Variants in PLAG1 observed in about 807,000 individuals in gnomAD.
PLAG1 encodes the protein PLAG1 zinc finger.
A neutral mutation model predicts 35.5 loss-of-function variants in PLAG1; 7 were observed. The observed-to-expected ratio is 0.20, with a 90% CI of 0.11 to 0.37. The LOEUF is 0.37. Among genes scored for constraint, PLAG1 ranks in the 10% least tolerant of loss-of-function variants. PLAG1 has a pLI of 1.00. For synonymous variants in PLAG1, 229 were observed against 225.4 expected, an observed-to-expected ratio of 1.02 and a Z score of -0.14; for missense variants, 454 against 602.8, an observed-to-expected ratio of 0.75 and a Z score of 2.58.
chr8:56,201,618 C>G (rs1812555212), intron 1 of PLAG1, among the ~76,000 whole-genome samples: 1 of 152,170 alleles, frequency 6.6e-6, no homozygotes, highest in African/African-American at 2.4e-5. Flanking sequence ...TAGGTTTATA[C>G]TACCCAAATA....
At chr8:56,195,694 C>T (rs1812340371) in intron 1 of PLAG1, among the ~76,000 whole-genome samples, 1 of 152,178 alleles carries the variant, frequency 6.6e-6, no homozygotes, top group African/African-American at 2.4e-5. Flanking sequence ...GTTCCCTTGC[C>T]TGAGGCCACC....
At chr8:56,210,373 G>C (rs1216346268) in intron 1 of PLAG1, among the ~76,000 whole-genome samples, 1 of 151,606 alleles carries the variant, frequency 6.6e-6, no homozygotes, top group Non-Finnish European at 1.5e-5. Flanking sequence ...GCTCTGTGCC[G>C]ATCTCCTGCT....
chr8:56,166,344 T>C lies in PLAG1; in HGVS notation c.1402A>G (p.Asn468Asp). 1.9e-6 allele frequency: 3 copies of C among 1,613,772 alleles called. No individual in the cohort carries two copies. The highest frequency in any genetic ancestry group is 2.5e-6 in the Non-Finnish European group (3 of 1,179,746). The change falls in exon 5 of 5, where the codon AAC (asparagine) becomes GAC (aspartate). Residue 468 changes from asparagine to aspartate, a missense_variant. Physicochemically the swap from Asn to Asp is conservative, Grantham distance 23. Transcript: ENST00000316981. ...PQTQDLQDPA[N>D]TIGLGSLHSL... ...TGCAGAGACCCAAGCCCTATAGTGT[T>C]TGCAGGATCCTGAAGATCCTGTGTT...
At chr8:56,200,267 G>C (rs183535463) in intron 1 of PLAG1, among the ~76,000 whole-genome samples, 1 of 152,186 alleles carries the variant, frequency 6.6e-6, no homozygotes, top group Non-Finnish European at 1.5e-5. Flanking sequence ...TATAACACAA[G>C]TATTAAACCC....
intron 1 of PLAG1, among the ~76,000 whole-genome samples, chr8:56,190,838 GT>G (rs1324891503): frequency 6.6e-6 from 1 of 152,160 alleles, no homozygotes; most frequent in African/African-American, 2.4e-5. Flanking sequence ...GGAGGACACA[GT>G]AATTAATTTT....
At chr8:56,171,764 T>C (rs963951660) in intron 2 of PLAG1, among the ~76,000 whole-genome samples, 1 of 152,194 alleles carries the variant, frequency 6.6e-6, no homozygotes, top group African/African-American at 2.4e-5. Flanking sequence ...CTGCACTCTT[T>C]AGATTTCAAA....
chr8:56,208,758 A>C (rs1416701882), intron 1 of PLAG1, among the ~76,000 whole-genome samples: 4 of 152,222 alleles, frequency 2.6e-5, no homozygotes, highest in African/African-American at 7.2e-5. Flanking sequence ...ACACATTTTA[A>C]ATTTTGAAAA....
rs189081638 is a variant in PLAG1, at chr8:56,195,703, C to A, written c.-322+15418G>T. Among the ~76,000 whole-genome samples, 88 of 152,282 alleles carry A rather than the reference C, an allele frequency of 5.8e-4. 1 individual carries two copies. Among genetic ancestry groups the A allele is most frequent in the African/African-American group, 2.0e-3 (84 of 41,554 alleles). On this transcript the variant is annotated intron_variant, in intron 1 of 4. Transcript: ENST00000316981. The stretch of plus-strand genomic sequence containing the variant: ...GAGCAGGTTCCCTTGCCTGAGGCCA[C>A]CTCAGCCCAAATCTAAGGAGACAGG...
At position 56,164,613 on chromosome 8, in the gene PLAG1, C is replaced by T. The variant is rs1811301559; in HGVS notation, c.*1630G>A. ...TTCTAAAAACCTCCCACCCTTGCCC[C>T]CATCCCCAACGGAAAGGGTCCTAAA... On this transcript the variant is annotated 3_prime_UTR_variant, in exon 5 of 5. Coordinates refer to ENST00000316981, the MANE Select transcript of PLAG1 (RefSeq NM_002655.3). 4.5e-6 allele frequency: 1 copy of T among 222,522 alleles called. No individual in the cohort carries two copies. The highest frequency in any genetic ancestry group is 1.8e-4 in the South Asian group (1 of 5,418). 13.8% of individuals were successfully genotyped at this position (222,522 alleles called of 1,614,324 possible). A position where few individuals can be genotyped will look rare whatever the true frequency, so the allele number is the denominator to read the frequency against.
At position 56,163,210 on chromosome 8, in the gene PLAG1, CT is replaced by C. The variant is rs34779318; in HGVS notation, c.*3032del. ...AACTACTTTTATTTAATGTTAATCCCTTTTTTTTTTTTTTTTTTTTTTTTTT... is the reference window on the plus strand; with the variant it reads ...AACTACTTTTATTTAATGTTAATCCCTTTTTTTTTTTTTTTTTTTTTTTTT... On this transcript the variant is annotated 3_prime_UTR_variant, in exon 5 of 5. Transcript: ENST00000316981. 0.01 allele frequency: 995 copies of C among 97,180 alleles called. 12 individuals carry two copies. Among genetic ancestry groups the C allele is most frequent in the East Asian group, 0.03 (133 of 4,486 alleles). 6.0% of individuals were successfully genotyped at this position (97,180 alleles called of 1,614,324 possible). A position where few individuals can be genotyped will look rare whatever the true frequency, so the allele number is the denominator to read the frequency against.
intron 1 of PLAG1, among the ~76,000 whole-genome samples, chr8:56,200,652 A>C (rs73596222): frequency 0.063 from 9,534 of 152,134 alleles, 973 homozygotes; most frequent in African/African-American, 0.22. Flanking sequence ...CCTGAACTGT[A>C]CCCTTGCAAA....
At chr8:56,196,799 C>T (rs62515430) in intron 1 of PLAG1, among the ~76,000 whole-genome samples, 25,184 of 151,834 alleles carry the variant, frequency 0.17, 2,526 homozygotes, top group East Asian at 0.31. Context: ...GTGTGTGTGT[C>T]CTCCTCTATG....
chr8:56,180,786 C>T (rs751415740), intron 1 of PLAG1, among the ~76,000 whole-genome samples: 6 of 151,994 alleles, frequency 3.9e-5, no homozygotes, highest in East Asian at 1.9e-4. Context: ...ACCTATAGAA[C>T]GGCAGAAAAT....
chr8:56,196,930 A>G (rs1375312125), intron 1 of PLAG1, among the ~76,000 whole-genome samples: 1 of 137,474 alleles, frequency 7.3e-6, no homozygotes, highest in Non-Finnish European at 1.6e-5. Flanking sequence ...GGGTGCAGGC[A>G]CCCTCTCCCT....
In PLAG1 at chr8:56,168,203, G is replaced by A. The variant is rs144724863; in HGVS notation, c.67C>T (p.Arg23Cys). ...RDTQKVPSGKRKRGETKPRKN... is the reference protein window; with the variant it reads ...RDTQKVPSGKCKRGETKPRKN... ...CTTGGTTTGGTTTCACCACGCTTACGTTTCCCTGAAGGGACTTTCTGGGTA... is the reference window on the plus strand; with the variant it reads ...CTTGGTTTGGTTTCACCACGCTTACATTTCCCTGAAGGGACTTTCTGGGTA... Residue 23 changes from arginine (R) to cysteine (C), a missense_variant, in exon 4 of 5, where the codon CGT (arginine) becomes TGT (cysteine). By Grantham distance (180) the Arg-to-Cys change is radical. Coordinates refer to ENST00000316981, the MANE Select transcript of PLAG1 (RefSeq NM_002655.3). 1.3e-5 allele frequency: 21 copies of A among 1,613,686 alleles called. No homozygotes were observed. The highest frequency in any genetic ancestry group is 1.4e-5 in the Non-Finnish European group (16 of 1,179,832).
chr8:56,200,121 T>C (rs766532493), intron 1 of PLAG1, among the ~76,000 whole-genome samples: 1 of 152,200 alleles, frequency 6.6e-6, no homozygotes, highest in Non-Finnish European at 1.5e-5. Flanking sequence ...ACGTGCTGCA[T>C]ATGCGGGCCC....
intron 1 of PLAG1, among the ~76,000 whole-genome samples, chr8:56,209,969 G>C (rs972517113): frequency 2.6e-5 from 4 of 152,110 alleles, no homozygotes; most frequent in African/African-American, 7.2e-5. Flanking sequence ...ATCATTAAAA[G>C]AGAGTTATAA....
chr8:56,201,969 T>G (rs898129557), intron 1 of PLAG1, among the ~76,000 whole-genome samples: 5 of 151,500 alleles, frequency 3.3e-5, no homozygotes, highest in Admixed American at 2.0e-4. Flanking sequence ...TCTTTTTTTT[T>G]TTTTTTGTTT....
intron 1 of PLAG1, among the ~76,000 whole-genome samples, chr8:56,205,962 A>G (rs1318887283): frequency 6.6e-6 from 1 of 152,048 alleles, no homozygotes; most frequent in Non-Finnish European, 1.5e-5. Flanking sequence ...TCTGTTTATA[A>G]GACATCCAGG....
Sources: gnomAD v4.1 joint callset for allele counts (sites outside exome capture counted in the v4.1 genomes callset) on GRCh38, gnomAD v4.1.1 for gene constraint, MANE v1.5 for transcripts, NCBI Gene and HGNC (gene_info 2026-07-23, HGNC 2026-07-21) for gene names.